Variants in PLCB4 observed in about 807,000 individuals in gnomAD.
PLCB4 encodes 1-phosphatidylinositol 4,5-bisphosphate phosphodiesterase beta-4.
Under a neutral mutation model 178.8 loss-of-function variants are expected in PLCB4, and 77 were observed. That is an observed-to-expected ratio of 0.43 (90% CI 0.36 to 0.52). The LOEUF (loss-of-function observed/expected upper bound fraction) is 0.52. Ranked by LOEUF, PLCB4 falls within the 20% of genes least tolerant of loss-of-function variation. The pLI is 0.00. For missense variants in PLCB4, 1,024 were observed against 1,453.4 expected, an observed-to-expected ratio of 0.70 and a Z score of 4.80; for synonymous variants, 496 against 490.8, an observed-to-expected ratio of 1.01 and a Z score of -0.14.
chr20:9,189,677 G>A (rs1244502192), intron 2 of PLCB4, among the ~76,000 whole-genome samples: 2 of 152,174 alleles, frequency 1.3e-5, no homozygotes, highest in Non-Finnish European at 2.9e-5. Flanking sequence ...CATAATTCTG[G>A]AGGCTGAGAA....
At chr20:9,203,777 GTTTTTT>G (rs553691545) in intron 2 of PLCB4, among the ~76,000 whole-genome samples, 40,247 of 101,054 alleles carry the variant, frequency 0.4, 7,015 homozygotes, top group South Asian at 0.54. Context: ...TGGGAATAGT[GTTTTTT>G]TTTTTTTTTT....
intron 2 of PLCB4, among the ~76,000 whole-genome samples, chr20:9,111,464 G>A (rs2091572542): frequency 6.6e-6 from 1 of 152,158 alleles, no homozygotes; most frequent in Non-Finnish European, 1.5e-5. Flanking sequence ...CATTTATGAA[G>A]CTGGGGCCTA....
At chr20:9,447,147 AG>A (rs2042462116) in intron 32 of PLCB4, among the ~76,000 whole-genome samples, 3 of 152,204 alleles carry the variant, frequency 2.0e-5, no homozygotes. Context: ...AGTTATATAA[AG>A]GAGTACTATA....
intron 3 of PLCB4, among the ~76,000 whole-genome samples, chr20:9,220,635 CA>C (rs1288358973): frequency 1.3e-5 from 2 of 152,076 alleles, no homozygotes; most frequent in Non-Finnish European, 2.9e-5. Flanking sequence ...GACTCCATCT[CA>C]AAAAATGTTT....
rs551429696 is a variant in PLCB4 at position 9,385,413 on chromosome 20, C to A, written c.1064+1002C>A. 1.9e-4 allele frequency among the ~76,000 whole-genome samples: 29 copies of A among 149,616 alleles called. No homozygotes were observed. In the East Asian group the frequency reaches 5.3e-3, roughly 27 times the overall value. On this transcript the variant is annotated intron_variant, in intron 14 of 39. Transcript: ENST00000378473. ...TGATGGGCGGCCAGGCAGAGGTGCT[C>A]CCCACCTCCCAGACGGGGCGGCCGG...
chr20:9,435,174 G>A (rs1318541293), intron 28 of PLCB4, among the ~76,000 whole-genome samples: 1 of 152,156 alleles, frequency 6.6e-6, no homozygotes, highest in Non-Finnish European at 1.5e-5. Flanking sequence ...CAGGGCAGGT[G>A]GTATCCACCC....
At chr20:9,217,178 ACT>A (rs1222876583) in intron 2 of PLCB4, among the ~76,000 whole-genome samples, 1 of 152,030 alleles carries the variant, frequency 6.6e-6, no homozygotes, top group Non-Finnish European at 1.5e-5. Flanking sequence ...GAGTGTATAA[ACT>A]CTGTTGGCTG....
rs1332720239 is a variant in PLCB4, at chr20:9,213,336, G to A, written c.-78-4054G>A. On this transcript the variant is annotated intron_variant, in intron 2 of 39. Transcript: ENST00000378473. Reference sequence around the variant, plus strand: ...ATTTTTGTACTTTTAGTAGAGACAGGATTTCACTATGTTGGCTAGGCTGGT... The same window carrying A: ...ATTTTTGTACTTTTAGTAGAGACAGAATTTCACTATGTTGGCTAGGCTGGT... Among the ~76,000 whole-genome samples, 2 of 150,642 alleles carry A rather than the reference G, an allele frequency of 1.3e-5. 1 individual carries two copies. The highest frequency in any genetic ancestry group is 5.0e-5 in the African/African-American group (2 of 40,236).
At chr20:9,183,787 C>A (rs1367685526) in intron 2 of PLCB4, among the ~76,000 whole-genome samples, 1 of 152,016 alleles carries the variant, frequency 6.6e-6, no homozygotes, top group African/African-American at 2.4e-5. Flanking sequence ...TATCTTGATA[C>A]CTCACTGGTA....
At chr20:9,359,729 CTA>C (rs2035155318) in intron 7 of PLCB4, among the ~76,000 whole-genome samples, 1 of 152,158 alleles carries the variant, frequency 6.6e-6, no homozygotes, top group Admixed American at 6.5e-5. Flanking sequence ...TTCCTGGACA[CTA>C]TGTAGATGAT....
At chr20:9,231,903 A>G (rs548526008) in intron 3 of PLCB4, among the ~76,000 whole-genome samples, 7 of 152,312 alleles carry the variant, frequency 4.6e-5, no homozygotes, top group African/African-American at 1.7e-4. Context: ...ACAACCAATT[A>G]TCCGCCAACA....
At chr20:9,410,184 A>G (rs2039759612) in intron 24 of PLCB4, among the ~76,000 whole-genome samples, 1 of 152,166 alleles carries the variant, frequency 6.6e-6, no homozygotes, top group Non-Finnish European at 1.5e-5. Flanking sequence ...GAGCCTCCCC[A>G]GTGACCAGAA....
At chr20:9,234,060 TG>T (rs1357607093) in intron 3 of PLCB4, among the ~76,000 whole-genome samples, 2 of 151,930 alleles carry the variant, frequency 1.3e-5, no homozygotes, top group Non-Finnish European at 2.9e-5. Context: ...TAAGCAAGTT[TG>T]GGAACTATTT....
intron 3 of PLCB4, among the ~76,000 whole-genome samples, chr20:9,286,266 C>G (rs1036927991): frequency 6.6e-6 from 1 of 151,884 alleles, no homozygotes; most frequent in Non-Finnish European, 1.5e-5. Flanking sequence ...ATCAAATAGG[C>G]TAAAATATAA....
rs570096161 is a variant in PLCB4, at chr20:9,111,231, C to T, written c.-79+14889C>T. On this transcript the variant is annotated intron_variant, in intron 2 of 39. Coordinates refer to ENST00000378473, the MANE Select transcript of PLCB4 (RefSeq NM_001377142.1). ...AGCCTGGAAGTTATTGGACAGAGAACTGGCTTTGGCCCTGCACCCACTAAT... is the reference window on the plus strand; with the variant it reads ...AGCCTGGAAGTTATTGGACAGAGAATTGGCTTTGGCCCTGCACCCACTAAT... Among the ~76,000 whole-genome samples the T allele has an allele frequency of 1.6e-4, 24 of 152,300 alleles. No homozygotes were observed. In the East Asian group the frequency reaches 4.6e-3, roughly 29 times the overall value.
intron 3 of PLCB4, among the ~76,000 whole-genome samples, chr20:9,256,561 A>AAAAAC (rs2094238229): frequency 6.6e-6 from 1 of 152,186 alleles, no homozygotes; most frequent in Admixed American, 6.5e-5. Context: ...ATCACCCTGT[A>AAAAAC]AAAACAGGAG....
intron 2 of PLCB4, among the ~76,000 whole-genome samples, chr20:9,215,098 G>T (rs1325595906): frequency 6.6e-6 from 1 of 152,108 alleles, no homozygotes; most frequent in Non-Finnish European, 1.5e-5. Flanking sequence ...AGACATAAAA[G>T]AGTCATATAG....
At chr20:9,417,333 AT>A (rs2040320874) in intron 25 of PLCB4, among the ~76,000 whole-genome samples, 1 of 152,048 alleles carries the variant, frequency 6.6e-6, no homozygotes, top group African/African-American at 2.4e-5. Context: ...ATTGCAGAAC[AT>A]TTTCATCGCC....
At chr20:9,187,594 G>A (rs6056456) in intron 2 of PLCB4, among the ~76,000 whole-genome samples, 87,124 of 152,030 alleles carry the variant, frequency 0.57, 26,912 homozygotes, top group African/African-American at 0.82. Flanking sequence ...TCATAGGACC[G>A]TGAAACATTA....
Sources: allele counts gnomAD v4.1 joint callset (sites outside exome capture counted in the v4.1 genomes callset), GRCh38; gene constraint gnomAD v4.1.1; transcripts MANE v1.5; gene names NCBI Gene and HGNC (gene_info 2026-07-23, HGNC 2026-07-21).